Variants in CLMN observed in about 807,000 individuals in gnomAD.
CLMN encodes calmin (calponin-like, transmembrane).
Under a neutral mutation model 92.7 loss-of-function variants are expected in CLMN, and 57 were observed. The observed-to-expected ratio is 0.61, with a 90% CI of 0.50 to 0.77. The LOEUF is 0.77. Ranked by LOEUF, CLMN falls within the 30% of genes least tolerant of loss-of-function variation. The pLI is 0.00. For missense variants in CLMN, 1,158 were observed against 1,237.5 expected (o/e 0.94, Z 0.96); for synonymous variants, 466 against 470.6 (o/e 0.99, Z 0.13).
At chr14:95,216,007 C>A (rs942208940) in intron 4 of CLMN, among the ~76,000 whole-genome samples, 1 of 152,196 alleles carries the variant, frequency 6.6e-6, no homozygotes, top group African/African-American at 2.4e-5. Flanking sequence ...TTTATTCTCA[C>A]AATAAACCTA....
rs570685569 is a variant in CLMN at position 95,239,800 on chromosome 14, G to A, written c.83-9667C>T. Among the ~76,000 whole-genome samples, 48 of 152,270 alleles carry A rather than the reference G, an allele frequency of 3.2e-4. 2 individuals carry two copies. The South Asian group carries it at 7.9e-3, about 25-fold the overall frequency. ...ACCCCATTTCTGTGTAAAATGAATC[G>A]CAACGTTCTTACAGAATCCTGCTTT... On this transcript the variant is annotated intron_variant, in intron 1 of 12. Transcript: ENST00000298912.
chr14:95,229,140 T>TTAGAAAG (rs1380572813), intron 2 of CLMN, among the ~76,000 whole-genome samples: 2 of 152,052 alleles, frequency 1.3e-5, no homozygotes, highest in Non-Finnish European at 2.9e-5. Context: ...AAAATCAACT[T>TTAGAAAG]TCTAAAAAAG....
At position 95,203,148 on chromosome 14, in the gene CLMN, A is replaced by G. The variant is rs775136309; in HGVS notation, c.2201T>C (p.Val734Ala). The G allele has an allele frequency of 1.1e-5, 18 of 1,612,794 alleles. No homozygotes were observed. The South Asian group carries it at 1.9e-4, about 17-fold the overall frequency. The change falls in exon 9 of 13, where the codon GTT (valine) becomes GCT (alanine). Residue 734 changes from valine (V) to alanine (A), a missense_variant. Coordinates refer to ENST00000298912, the MANE Select transcript of CLMN (RefSeq NM_024734.4). ...HDLFYFPHYE[V>A]PLAAVLEAYV... is the part of the protein sequence containing the mutation. Reference sequence around the variant, plus strand: ...AGCCTCCAAAACTGCAGCCAGGGGAACCTCATAGTGTGGGAAATAGAAGAG... The same window carrying G: ...AGCCTCCAAAACTGCAGCCAGGGGAGCCTCATAGTGTGGGAAATAGAAGAG...
intron 1 of CLMN, among the ~76,000 whole-genome samples, chr14:95,245,249 TATATA>T (rs1444458634): frequency 1.0e-3 from 37 of 36,922 alleles, no homozygotes; most frequent in African/African-American, 2.4e-3. Context: ...TATATATATA[TATATA>T]ATATATATAT....
chr14:95,248,177 T>C (rs906295733), intron 1 of CLMN, among the ~76,000 whole-genome samples: 2 of 151,904 alleles, frequency 1.3e-5, no homozygotes, highest in African/African-American at 4.8e-5. Flanking sequence ...ACACACCAGC[T>C]CGTTGCAATG....
At chr14:95,262,146 C>T (rs1014170938) in intron 1 of CLMN, among the ~76,000 whole-genome samples, 1 of 152,230 alleles carries the variant, frequency 6.6e-6, no homozygotes, top group Non-Finnish European at 1.5e-5. Flanking sequence ...CAGCCAGCAA[C>T]CCGATGTCAT....
At chr14:95,237,189 T>C (rs374308639) in intron 1 of CLMN, among the ~76,000 whole-genome samples, 1 of 152,242 alleles carries the variant, frequency 6.6e-6, no homozygotes, top group East Asian at 1.9e-4. Context: ...AAAAGTTGTG[T>C]AGTAAACAGA....
intron 1 of CLMN, among the ~76,000 whole-genome samples, chr14:95,232,409 T>G (rs1217807142): frequency 6.6e-6 from 1 of 152,246 alleles, no homozygotes; most frequent in East Asian, 1.9e-4. Context: ...AGCTTATGGA[T>G]TTCTGTAACA....
intron 1 of CLMN, among the ~76,000 whole-genome samples, chr14:95,266,346 T>A (rs973845370): frequency 2.0e-5 from 3 of 152,166 alleles, no homozygotes; most frequent in African/African-American, 7.2e-5. Context: ...ACTGATAAAT[T>A]CAGTAAAGTT....
In CLMN at chr14:95,298,147, C is replaced by T. The variant is rs577121405; in HGVS notation, c.82+21564G>A. Among the ~76,000 whole-genome samples the T allele has an allele frequency of 2.6e-5, 4 of 152,252 alleles. 1 individual carries two copies. In the East Asian group the frequency reaches 7.7e-4, roughly 29 times the overall value. On this transcript the variant is annotated intron_variant, in intron 1 of 12. Coordinates refer to ENST00000298912, the MANE Select transcript of CLMN (RefSeq NM_024734.4). ...ATGGCGTCATCGATCAACCCCACCC[C>T]ACCCGGCTGCCACCATGGCACCCAA...
intron 1 of CLMN, among the ~76,000 whole-genome samples, chr14:95,242,250 CTTTTTTTTTT>C (rs371417505): frequency 7.6e-5 from 7 of 92,594 alleles, no homozygotes; most frequent in African/African-American, 2.4e-4. Context: ...TTTTCTTTTT[CTTTTTTTTTT>C]TTTTTTTTTT....
chr14:95,267,522 G>A (rs747871087), intron 1 of CLMN, among the ~76,000 whole-genome samples: 4 of 152,146 alleles, frequency 2.6e-5, no homozygotes, highest in Admixed American at 6.5e-5. Flanking sequence ...TTAACCAAAA[G>A]ACAGGAAATA....
At position 95,292,428 on chromosome 14, in the gene CLMN, T is replaced by TCCCCCACCCCCACCCCCA. The variant is rs61159767; in HGVS notation, c.82+27265_82+27282dup. Among the ~76,000 whole-genome samples the TCCCCCACCCCCACCCCCA allele has an allele frequency of 7.3e-4, 54 of 74,116 alleles. 2 individuals carry two copies. Among genetic ancestry groups the TCCCCCACCCCCACCCCCA allele is most frequent in the East Asian group, 6.7e-3 (13 of 1,942 alleles). 48.6% of individuals were successfully genotyped at this position (74,116 alleles called of 152,430 possible). ...AGTAATGAGATCTGCCCCCCAAGGG[T>TCCCCCACCCCCACCCCCA]CCCCCACCCCCACCCCCACCCCCAC... On this transcript the variant is annotated intron_variant, in intron 1 of 12. Transcript: ENST00000298912.
chr14:95,208,699 G>A lies in CLMN; in HGVS notation c.885+696C>T, dbSNP rs117981926. Among the ~76,000 whole-genome samples, 1,175 of 152,228 alleles carry A rather than the reference G, an allele frequency of 7.7e-3. 15 individuals carry two copies. Among genetic ancestry groups the A allele is most frequent in the Middle Eastern group, 0.031 (9 of 294 alleles). Reference sequence around the variant, plus strand: ...TGTAAATAGTTCCCCCCTTATTTGCGGTTTTTCTTTCTGAGGTTTCAGTCA... The same window carrying A: ...TGTAAATAGTTCCCCCCTTATTTGCAGTTTTTCTTTCTGAGGTTTCAGTCA... On this transcript the variant is annotated intron_variant, in intron 8 of 12. Transcript: ENST00000298912.
At chr14:95,220,913 C>T (rs1897517978) in intron 4 of CLMN, among the ~76,000 whole-genome samples, 1 of 152,214 alleles carries the variant, frequency 6.6e-6, no homozygotes, top group Non-Finnish European at 1.5e-5. Flanking sequence ...AGTCCTGGTG[C>T]CTGGCATGGG....
chr14:95,292,613 A>C (rs1791772796), intron 1 of CLMN, among the ~76,000 whole-genome samples: 1 of 151,854 alleles, frequency 6.6e-6, no homozygotes, highest in South Asian at 2.1e-4. Flanking sequence ...TGCCCTGCAC[A>C]CTCACGGGGA....
chr14:95,277,457 G>A (rs1198708091), intron 1 of CLMN, among the ~76,000 whole-genome samples: 1 of 152,158 alleles, frequency 6.6e-6, no homozygotes, highest in Non-Finnish European at 1.5e-5. Context: ...CCATTTGGAA[G>A]GTGGGAATTT....
At chr14:95,220,868 G>A (rs1025145281) in intron 4 of CLMN, among the ~76,000 whole-genome samples, 1 of 152,208 alleles carries the variant, frequency 6.6e-6, no homozygotes, top group Non-Finnish European at 1.5e-5. Context: ...GGCGGTGAGG[G>A]CATGTCCTGC....
Position 95,204,614 on chromosome 14 carries a change from T to C in CLMN, c.886-151A>G, listed in dbSNP as rs150883746. On this transcript the variant is annotated intron_variant, in intron 8 of 12. Transcript: ENST00000298912. Reference sequence around the variant, plus strand: ...AACAAACAAAAATGGAAAAAGCCACTTCAAACCAATGCAAAGTGTTCTAAG... The same window carrying C: ...AACAAACAAAAATGGAAAAAGCCACCTCAAACCAATGCAAAGTGTTCTAAG... The C allele has an allele frequency of 2.8e-4, 194 of 695,776 alleles. 1 individual carries two copies. The African/African-American group carries it at 3.0e-3, about 11-fold the overall frequency. The allele number at this position is 695,776 out of a possible 1,614,324, so 43.1% of individuals were successfully genotyped here. A position where few individuals can be genotyped will look rare whatever the true frequency, so the allele number is the denominator to read the frequency against.
Sources: allele counts gnomAD v4.1 joint callset (sites outside exome capture counted in the v4.1 genomes callset), GRCh38; gene constraint gnomAD v4.1.1; transcripts MANE v1.5; gene names NCBI Gene and HGNC (gene_info 2026-07-23, HGNC 2026-07-21).